The following ITGB4 variants were observed in gnomAD, a reference collection of about 807,000 sequenced individuals.
ITGB4 encodes the protein integrin beta-4.
Under a neutral mutation model 207.6 loss-of-function variants are expected in ITGB4, and 159 were observed. The ratio of observed to expected loss-of-function variants is 0.77; its 90% CI spans 0.67 to 0.87. The LOEUF (loss-of-function observed/expected upper bound fraction) is 0.87. Ranked by LOEUF, ITGB4 falls within the 40% of genes least tolerant of loss-of-function variation. The pLI is 0.00. For missense variants in ITGB4, 2,278 were observed against 2,546.8 expected (o/e 0.89, Z 2.27); for synonymous variants, 1,020 against 1,062.7 (o/e 0.96, Z 0.78).
intron 26 of ITGB4, among the ~76,000 whole-genome samples, chr17:75,744,216 G>A (rs1269066865): frequency 6.6e-6 from 1 of 151,202 alleles, no homozygotes; most frequent in Admixed American, 6.6e-5. Flanking sequence ...CACCTCTCGG[G>A]TTCAAGCGAT....
intron 33 of ITGB4, 68 bp from the exon 34 acceptor site, chr17:75,754,506 GGC>G (rs2061440527): frequency 6.2e-7 from 1 of 1,603,446 alleles, no homozygotes. Context: ...GAATGTGCAG[GGC>G]CCAGCCTGCC....
chr17:75,740,468 A>T lies in ITGB4; in HGVS notation c.2550+7A>T, dbSNP rs1233336693. The stretch of plus-strand genomic sequence containing the variant: ...CCAGGAGGTGGAGGAGAACGTAAGG[A>T]CCCAGGAACTAGGCCTGGCCGGAGA... On this transcript the variant is annotated splice_region_variant and intron_variant, in intron 21 of 39. Transcript: ENST00000200181. The surrounding 1 kb of genome is among the most constrained non-coding windows in gnomAD (Gnocchi z 5.9). 4.2e-5 allele frequency: 68 copies of T among 1,610,338 alleles called. No individual in the cohort carries two copies. The highest frequency in any genetic ancestry group is 5.6e-5 in the Non-Finnish European group (66 of 1,177,640).
rs1483602810 is a variant in ITGB4 at position 75,727,467 on chromosome 17, A to G, written c.226A>G (p.Ser76Gly). 1.2e-6 allele frequency: 2 copies of G among 1,613,770 alleles called. No individual in the cohort carries two copies. Among genetic ancestry groups the G allele is most frequent in the Non-Finnish European group, 1.7e-6 (2 of 1,180,014 alleles). The change falls in exon 4 of 40, where the codon AGC becomes GGC. Residue 76 changes from serine to glycine, a missense_variant. Physicochemically the swap from Ser to Gly is moderately conservative, Grantham distance 56 (BLOSUM62 0). Coordinates refer to ENST00000200181, the MANE Select transcript of ITGB4 (RefSeq NM_000213.5). The surrounding 1 kb of genome is among the most constrained non-coding windows in gnomAD (Gnocchi z 6.0). ...GCTGGCCGCGGGCTGCCAGCGGGAG[A>G]GCATCGTGGTCATGGAGAGCAGCTT... ...ELLAAGCQRE[S>G]IVVMESSFQI...
rs201105881 is a variant in ITGB4, at chr17:75,743,901, G to A, written c.3111+40G>A. On this transcript the variant is annotated intron_variant, in intron 26 of 39. Coordinates refer to ENST00000200181, the MANE Select transcript of ITGB4 (RefSeq NM_000213.5). The stretch of plus-strand genomic sequence containing the variant: ...CAGGGTCGAGGGTGCAGCCCGGGGG[G>A]CTGCGTGGGCACCGCATTGGGTTCC... 45 of 1,545,232 alleles carry A rather than the reference G, an allele frequency of 2.9e-5. No homozygotes were observed. The Admixed American group carries it at 4.1e-4, about 14-fold the overall frequency.
rs1337459229 is a variant in ITGB4 at position 75,740,120 on chromosome 17, C to T, written c.2446+49C>T. 2 of 1,555,082 alleles carry T rather than the reference C, an allele frequency of 1.3e-6. No homozygotes were observed. Among genetic ancestry groups the T allele is most frequent in the Non-Finnish European group, 1.7e-6 (2 of 1,146,496 alleles). ...AGCTCTGGGCAGTGCCCTTCGGGCC[C>T]TCTGTTCCAGATCTGGGATCACAGC... On this transcript the variant is annotated intron_variant, in intron 20 of 39. Transcript: ENST00000200181. The surrounding 1 kb of genome is among the most constrained non-coding windows in gnomAD (Gnocchi z 5.9).
chr17:75,757,378 A>G, intron 39 of ITGB4, 38 bp from the exon 40 acceptor site: 1 of 1,612,700 alleles, frequency 6.2e-7, no homozygotes, highest in Non-Finnish European at 8.5e-7. Context: ...AGAAGGGCAG[A>G]CCCCAAGCCA....
At chr17:75,737,237 G>A (rs941696740) in intron 16 of ITGB4, 85 bp from the exon 17 acceptor site, 2 of 1,522,228 alleles carry the variant, frequency 1.3e-6, no homozygotes, top group Non-Finnish European at 1.8e-6. Flanking sequence ...GCAGATCGCA[G>A]AGTAGGGGCC....
At position 75,740,512 on chromosome 17, in the gene ITGB4, T is replaced by G. The variant is rs2143087055; in HGVS notation, c.2550+51T>G. 1 of 1,455,290 alleles carries G rather than the reference T, an allele frequency of 6.9e-7. No individual in the cohort carries two copies. Among genetic ancestry groups the G allele is most frequent in the Middle Eastern group, 1.7e-4 (1 of 5,758 alleles). 90.1% of individuals were successfully genotyped at this position (1,455,290 alleles called of 1,614,324 possible). On this transcript the variant is annotated intron_variant, in intron 21 of 39. Transcript: ENST00000200181. This position sits in a 1 kb window ranked among gnomAD's most constrained non-coding sequence, Gnocchi z 5.9. ...CCGGAGATGTGGGTATGAGGGCGGG[T>G]GAGGTGGGCAGGGCAGAGCGAATGC...
chr17:75,730,658 C>T (rs2060836351), intron 8 of ITGB4, among the ~76,000 whole-genome samples, 154 bp downstream of exon 8: 1 of 147,060 alleles, frequency 6.8e-6, no homozygotes, highest in Non-Finnish European at 1.5e-5. Flanking sequence ...TTCCCAAAGC[C>T]TTTAGACCCC....
chr17:75,751,524 G>A (rs1411925230), intron 30 of ITGB4: 1 of 276,986 alleles, frequency 3.6e-6, no homozygotes, highest in African/African-American at 2.2e-5. Context: ...GCCGAGGCAG[G>A]TGGACTGCTT....
At chr17:75,756,903 A>G (rs1412027966) in intron 37 of ITGB4, 40 bp from the exon 38 acceptor site, 9 of 1,612,044 alleles carry the variant, frequency 5.6e-6, no homozygotes, top group Non-Finnish European at 7.6e-6. Flanking sequence ...GGAGGGGTAA[A>G]GAGGGGGCCG....
Position 75,756,684 on chromosome 17 carries a change from T to C in ITGB4, c.4898-20T>C, listed in dbSNP as rs772406120. On this transcript the variant is annotated intron_variant, in intron 36 of 39. Transcript: ENST00000200181. ...CCACCACCCACCCACAGGCTGATGC[T>C]CTTCCTCTACTGCCCCCAGGCTCCG... is the stretch of plus-strand genomic sequence containing the variant. The C allele has an allele frequency of 3.7e-6, 6 of 1,612,974 alleles. No individual in the cohort carries two copies. Among genetic ancestry groups the C allele is most frequent in the Non-Finnish European group, 2.5e-6 (3 of 1,179,940 alleles).
In ITGB4 at chr17:75,727,520, G is replaced by A. The variant is rs1300097484; in HGVS notation, c.264+15G>A. 6.2e-7 allele frequency: 1 copy of A among 1,612,420 alleles called. No homozygotes were observed. Among genetic ancestry groups the A allele is most frequent in the Non-Finnish European group, 8.5e-7 (1 of 1,179,280 alleles). On this transcript the variant is annotated intron_variant, in intron 4 of 39. Transcript: ENST00000200181. This position sits in a 1 kb window ranked among gnomAD's most constrained non-coding sequence, Gnocchi z 6.0. Reference sequence around the variant, plus strand: ...AAATCACAGAGGTGCCTGGTGTGGGGACTGGGGTGGGGGCTCCCCATGCTC... The same window carrying A: ...AAATCACAGAGGTGCCTGGTGTGGGAACTGGGGTGGGGGCTCCCCATGCTC...
chr17:75,727,384 C>A lies in ITGB4; in HGVS notation c.163-20C>A. 3.1e-6 allele frequency: 5 copies of A among 1,613,564 alleles called. No individual in the cohort carries two copies. Among genetic ancestry groups the A allele is most frequent in the Non-Finnish European group, 3.4e-6 (4 of 1,179,566 alleles). On this transcript the variant is annotated intron_variant, in intron 3 of 39. Coordinates refer to ENST00000200181, the MANE Select transcript of ITGB4 (RefSeq NM_000213.5). The surrounding 1 kb of genome is among the most constrained non-coding windows in gnomAD (Gnocchi z 6.0). ...AGGGAATGGGTGCTGCCCCCAGTGA[C>A]CCCCTGTCCTTCTGGCCAGATGTTC...
chr17:75,731,399 G>A lies in ITGB4; in HGVS notation c.1215+31G>A. The A allele has an allele frequency of 6.3e-7, 1 of 1,591,346 alleles. No homozygotes were observed. Among genetic ancestry groups the A allele is most frequent in the Non-Finnish European group, 8.6e-7 (1 of 1,164,376 alleles). ...CCTCTGTGGGGGCAGCGGGGTGGGG[G>A]ATAGGCACAGCGCCCCACACCGAGT... is the stretch of plus-strand genomic sequence containing the variant. On this transcript the variant is annotated intron_variant, in intron 10 of 39. Transcript: ENST00000200181. This position sits in a 1 kb window ranked among gnomAD's most constrained non-coding sequence, Gnocchi z 6.8.
At chr17:75,752,964 A>ACC (rs1300228354) in intron 32 of ITGB4, among the ~76,000 whole-genome samples, 2 of 152,024 alleles carry the variant, frequency 1.3e-5, no homozygotes, top group Non-Finnish European at 2.9e-5. Flanking sequence ...AGACAAGAAC[A>ACC]CCCCCAACAG....
intron 27 of ITGB4, among the ~76,000 whole-genome samples, chr17:75,749,763 C>A (rs1181042777): frequency 2.6e-5 from 4 of 152,182 alleles, no homozygotes; most frequent in African/African-American, 9.7e-5. Flanking sequence ...GGGAGAAAGC[C>A]TGCCAGGAAG....
rs1450883339 is a variant in ITGB4, at chr17:75,742,315, G to A, written c.2634-26G>A. The A allele has an allele frequency of 3.1e-6, 5 of 1,612,944 alleles. No homozygotes were observed. The African/African-American group carries it at 5.3e-5, about 17-fold the overall frequency. Reference sequence around the variant, plus strand: ...CAGGTGCCAGCCTGACCCCTCCGCTGCCTGAACCTTCCACCCTCGACCCAG... The same window carrying A: ...CAGGTGCCAGCCTGACCCCTCCGCTACCTGAACCTTCCACCCTCGACCCAG... On this transcript the variant is annotated intron_variant, in intron 23 of 39. Transcript: ENST00000200181. This position sits in a 1 kb window ranked among gnomAD's most constrained non-coding sequence, Gnocchi z 5.9.
chr17:75,728,064 C>T lies in ITGB4; in HGVS notation c.469+209C>T, dbSNP rs12103541. Among the ~76,000 whole-genome samples, 934 of 152,264 alleles carry T rather than the reference C, an allele frequency of 6.1e-3. 15 individuals are homozygous for T. The highest frequency in any genetic ancestry group is 0.021 in the African/African-American group (874 of 41,548). On this transcript the variant is annotated intron_variant, in intron 5 of 39. Transcript: ENST00000200181. ...GACTTCTGAGAAGGCCCAGGGCAGGCGGGCAGTGGAGCCATCTGGCCCTGA... is the reference window on the plus strand; with the variant it reads ...GACTTCTGAGAAGGCCCAGGGCAGGTGGGCAGTGGAGCCATCTGGCCCTGA...
Sources: allele counts gnomAD v4.1 joint callset (sites outside exome capture counted in the v4.1 genomes callset), GRCh38; gene constraint gnomAD v4.1.1; non-coding constraint Gnocchi (gnomAD v3.1); transcripts MANE v1.5; gene names NCBI Gene and HGNC (gene_info 2026-07-23, HGNC 2026-07-21).